TTC17: variants seen among roughly 807,000 people sequenced by gnomAD.
TTC17 encodes the protein tetratricopeptide repeat protein 17.
TTC17 carries 58 observed loss-of-function variants against 143.8 expected under a neutral mutation model. The observed-to-expected ratio is 0.40, with a 90% CI of 0.33 to 0.50. The LOEUF (loss-of-function observed/expected upper bound fraction) is 0.50, where lower values mean the gene tolerates loss of function less well. TTC17 is among the 20% of genes least tolerant of loss of function. The pLI is 0.49. For missense variants in TTC17, 1,273 were observed against 1,392.5 expected (o/e 0.91, Z 1.37); for synonymous variants, 501 against 497.8 (o/e 1.01, Z -0.09).
chr11:43,418,707 A>C (rs1946833721), intron 16 of TTC17, among the ~76,000 whole-genome samples: 1 of 152,166 alleles, frequency 6.6e-6, no homozygotes, highest in South Asian at 2.1e-4. Context: ...ACTTTATGGA[A>C]CAGTAAAGGT....
intron 15 of TTC17, among the ~76,000 whole-genome samples, chr11:43,409,514 C>T (rs774438625): frequency 5.3e-5 from 8 of 152,124 alleles, no homozygotes; most frequent in Non-Finnish European, 1.0e-4. Context: ...TGATTGTTTA[C>T]TAGAGCCAGG....
intron 7 of TTC17, 78 bp downstream of exon 7, chr11:43,397,569 A>G: frequency 1.4e-6 from 2 of 1,387,176 alleles, no homozygotes; most frequent in South Asian, 3.5e-5. Context: ...CCCTCAGTAG[A>G]ATGTTACTTT....
intron 21 of TTC17, among the ~76,000 whole-genome samples, chr11:43,473,052 G>A (rs148115618): frequency 9.1e-4 from 138 of 151,852 alleles, no homozygotes; most frequent in African/African-American, 3.2e-3. Flanking sequence ...GTGCGTGCCT[G>A]TAATCCCAGC....
chr11:43,372,020 T>G (rs1404625650), intron 1 of TTC17, among the ~76,000 whole-genome samples: 1 of 152,132 alleles, frequency 6.6e-6, no homozygotes, highest in African/African-American at 2.4e-5. Context: ...TACGGTGAAC[T>G]ATGATCACAC....
intron 21 of TTC17, among the ~76,000 whole-genome samples, chr11:43,463,783 G>A (rs528578591): frequency 6.6e-6 from 1 of 152,304 alleles, no homozygotes; most frequent in East Asian, 1.9e-4. Flanking sequence ...AGTGGGAGAA[G>A]AGGAGGATTT....
At chr11:43,363,448 G>A (rs569873353) in intron 1 of TTC17, among the ~76,000 whole-genome samples, 3 of 152,290 alleles carry the variant, frequency 2.0e-5, no homozygotes, top group African/African-American at 7.2e-5. Flanking sequence ...TTTGTTAGTT[G>A]TAGCCTTACT....
chr11:43,381,563 T>C (rs998304022), intron 2 of TTC17, among the ~76,000 whole-genome samples: 1 of 152,020 alleles, frequency 6.6e-6, no homozygotes, highest in South Asian at 2.1e-4. Context: ...AGAAAACATA[T>C]CAAAACCAGA....
intron 1 of TTC17, among the ~76,000 whole-genome samples, chr11:43,378,196 C>A (rs1856834253): frequency 6.6e-6 from 1 of 152,190 alleles, no homozygotes; most frequent in Admixed American, 6.5e-5. Context: ...AGCCACCGCG[C>A]CCAGCCTTGG....
chr11:43,375,656 A>G (rs2134466949), intron 1 of TTC17, among the ~76,000 whole-genome samples: 1 of 152,024 alleles, frequency 6.6e-6, no homozygotes, highest in African/African-American at 2.4e-5. Context: ...AAAAAAAAAA[A>G]CAGTGAAAGT....
At chr11:43,360,746 A>G (rs1856070154) in intron 1 of TTC17, among the ~76,000 whole-genome samples, 1 of 149,620 alleles carries the variant, frequency 6.7e-6, no homozygotes, top group African/African-American at 2.5e-5. Context: ...TTCTTTTTGC[A>G]CTTTGGATAC....
intron 21 of TTC17, among the ~76,000 whole-genome samples, chr11:43,473,370 C>T (rs1376617140): frequency 6.6e-6 from 1 of 152,038 alleles, no homozygotes; most frequent in Non-Finnish European, 1.5e-5. Context: ...AGTTTGTATC[C>T]TAAATGGATA....
At chr11:43,360,903 C>T (rs1400954022) in intron 1 of TTC17, among the ~76,000 whole-genome samples, 1 of 152,120 alleles carries the variant, frequency 6.6e-6, no homozygotes, top group African/African-American at 2.4e-5. Flanking sequence ...TTCTCTATTA[C>T]ATGACTTTTT....
intron 21 of TTC17, among the ~76,000 whole-genome samples, chr11:43,469,305 G>GT (rs1948043645): frequency 6.6e-6 from 1 of 152,110 alleles, no homozygotes; most frequent in Admixed American, 6.6e-5. Flanking sequence ...TTGGAAAACA[G>GT]TTTGTCAGTT....
chr11:43,400,118 C>A, intron 9 of TTC17, 70 bp downstream of exon 9: 1 of 1,509,990 alleles, frequency 6.6e-7, no homozygotes, highest in Non-Finnish European at 9.0e-7. Flanking sequence ...ACTATCATAA[C>A]TTTCTTGTAG....
At chr11:43,480,634 A>G (rs1363893762) in intron 21 of TTC17, among the ~76,000 whole-genome samples, 1 of 152,198 alleles carries the variant, frequency 6.6e-6, no homozygotes, top group Non-Finnish European at 1.5e-5. Context: ...AATTTGTGGG[A>G]TTTTAAAAGA....
chr11:43,490,527 A>G (rs1948455378), intron 22 of TTC17, among the ~76,000 whole-genome samples, 169 bp downstream of exon 22: 1 of 152,202 alleles, frequency 6.6e-6, no homozygotes, highest in Non-Finnish European at 1.5e-5. Flanking sequence ...CAGCAAGCCT[A>G]TGAACTATCC....
At chr11:43,422,441 T>C (rs1347972330) in intron 16 of TTC17, among the ~76,000 whole-genome samples, 3 of 152,198 alleles carry the variant, frequency 2.0e-5, no homozygotes, top group Middle Eastern at 3.2e-3. Context: ...CATGGACGTA[T>C]GTATTTTCTA....
chr11:43,407,661 A>G (rs1858207644), intron 15 of TTC17, 84 bp downstream of exon 15: 1 of 1,299,106 alleles, frequency 7.7e-7, no homozygotes, highest in Middle Eastern at 1.9e-4. Context: ...TTCTAGGGAA[A>G]GCATAAAAAA....
chr11:43,414,253 C>T (rs926642485), intron 15 of TTC17, among the ~76,000 whole-genome samples: 19 of 152,136 alleles, frequency 1.2e-4, no homozygotes, highest in Non-Finnish European at 2.5e-4. Flanking sequence ...ACAGAAGTCA[C>T]ATCACAACAA....
Sources: gnomAD v4.1 joint callset for allele counts (sites outside exome capture counted in the v4.1 genomes callset) on GRCh38, gnomAD v4.1.1 for gene constraint, MANE v1.5 for transcripts, NCBI Gene and HGNC (gene_info 2026-07-23, HGNC 2026-07-21) for gene names.